The following LGR5 variants were observed in gnomAD, a reference collection of about 807,000 sequenced individuals.
LGR5 encodes leucine rich repeat containing G protein-coupled receptor 5.
LGR5 carries 54 observed loss-of-function variants against 76.7 expected under a neutral mutation model. The observed-to-expected ratio is 0.70, with a 90% CI of 0.57 to 0.88. The LOEUF is 0.88. Among genes scored for constraint, LGR5 ranks in the 40% least tolerant of loss-of-function variants. LGR5 has a pLI of 0.00. For missense variants in LGR5, 1,078 were observed against 1,073.3 expected, an observed-to-expected ratio of 1.00 and a Z score of -0.06; for synonymous variants, 406 against 421.9, an observed-to-expected ratio of 0.96 and a Z score of 0.46.
chr12:71,439,428 C>A (rs1871632174), upstream of LGR5, among the ~76,000 whole-genome samples: 1 of 152,134 alleles, frequency 6.6e-6, no homozygotes. Context: ...TCGGAGGAAA[C>A]GTGCCGCATC....
At chr12:71,540,595 G>T (rs757390432) in intron 4 of LGR5, among the ~76,000 whole-genome samples, 3 of 152,090 alleles carry the variant, frequency 2.0e-5, no homozygotes, top group Admixed American at 1.3e-4. Context: ...ATTCTGCATG[G>T]TAATCTTTTC....
At position 71,504,666 on chromosome 12, in the gene LGR5, C is replaced by G; in HGVS notation, c.265C>G (p.Leu89Val). Residue 89 changes from leucine to valine, a missense_variant, in exon 2 of 18, where the codon CTC (leucine) becomes GTC (valine). Transcript: ENST00000266674. ...GCTGCTCCCGAATCCCCTGCCCAGT[C>G]TCCGCTTCCTGGAGGAGTTGTAAGT... is the stretch of plus-strand genomic sequence containing the variant. ...SQLLPNPLPS[L>V]RFLEELRLAG... 6.2e-7 allele frequency: 1 copy of G among 1,613,826 alleles called. No homozygotes were observed. The highest frequency in any genetic ancestry group is 8.5e-7 in the Non-Finnish European group (1 of 1,179,744).
At chr12:71,530,388 G>T (rs1215763335) in intron 3 of LGR5, among the ~76,000 whole-genome samples, 2 of 152,168 alleles carry the variant, frequency 1.3e-5, no homozygotes, top group African/African-American at 4.8e-5. Context: ...GATATGGTGA[G>T]AAAGATAATG....
chr12:71,547,987 C>A (rs201619499), intron 4 of LGR5, among the ~76,000 whole-genome samples: 2 of 151,246 alleles, frequency 1.3e-5, no homozygotes, highest in East Asian at 4.0e-4. Flanking sequence ...AGACCCCCCC[C>A]AAAAGGACCA....
intron 2 of LGR5, among the ~76,000 whole-genome samples, chr12:71,505,470 G>A (rs1197489767): frequency 6.6e-6 from 1 of 151,988 alleles, no homozygotes; most frequent in Non-Finnish European, 1.5e-5. Context: ...ACCATCAGTT[G>A]AGTCAATCCT....
chr12:71,503,037 C>G (rs1874682102), intron 1 of LGR5, among the ~76,000 whole-genome samples: 1 of 152,102 alleles, frequency 6.6e-6, no homozygotes, highest in African/African-American at 2.4e-5. Context: ...AATCAAACCA[C>G]CTTGATCCTT....
intron 2 of LGR5, among the ~76,000 whole-genome samples, chr12:71,514,227 G>A (rs959049984): frequency 6.6e-6 from 1 of 152,124 alleles, no homozygotes; most frequent in Admixed American, 6.5e-5. Flanking sequence ...AGATGGTTAA[G>A]GAAGATTCCA....
chr12:71,526,951 G>T (rs1305057608), intron 3 of LGR5, among the ~76,000 whole-genome samples: 1 of 152,156 alleles, frequency 6.6e-6, no homozygotes, highest in African/African-American at 2.4e-5. Flanking sequence ...GTTAGTACTT[G>T]AGCATTCAGG....
intron 1 of LGR5, among the ~76,000 whole-genome samples, chr12:71,461,700 C>T (rs1324012061): frequency 1.3e-5 from 2 of 152,160 alleles, no homozygotes; most frequent in African/African-American, 4.8e-5. Flanking sequence ...GCCACCATTT[C>T]ATTACCACCC....
intron 4 of LGR5, among the ~76,000 whole-genome samples, chr12:71,549,827 A>G (rs1877385727): frequency 6.6e-6 from 1 of 152,216 alleles, no homozygotes; most frequent in African/African-American, 2.4e-5. Flanking sequence ...ATCTGGGAAT[A>G]TTAGTATTTA....
At chr12:71,524,904 T>C (rs1369040305) in intron 3 of LGR5, among the ~76,000 whole-genome samples, 3 of 152,154 alleles carry the variant, frequency 2.0e-5, no homozygotes, top group South Asian at 2.1e-4. Context: ...AAAAACCAAG[T>C]TTGTGTTCCA....
At position 71,456,926 on chromosome 12, in the gene LGR5, G is replaced by A. The variant is rs17109703; in HGVS notation, c.212+16634G>A. Among the ~76,000 whole-genome samples, 322 of 151,944 alleles carry A rather than the reference G, an allele frequency of 2.1e-3. 1 individual carries two copies. Among genetic ancestry groups the A allele is most frequent in the African/African-American group, 7.3e-3 (303 of 41,450 alleles). ...CTGTCTTGGGTAACGTAACTCCCTC[G>A]TCCCACTTTATTGAAACCCTAAAAT... On this transcript the variant is annotated intron_variant, in intron 1 of 17. Transcript: ENST00000266674.
Position 71,440,204 on chromosome 12 carries a change from C to A in LGR5, c.124C>A (p.Pro42Thr), listed in dbSNP as rs1278055220. ...CTGCCCCACACACTGTCATTGCGAG[C>A]CCGACGGCAGGATGTTGCTCAGGGT... ...RGCPTHCHCE[P>T]DGRMLLRVDC... The change falls in exon 1 of 18, where the codon CCC (proline) becomes ACC (threonine). Residue 42 changes from proline (P) to threonine (T), a missense_variant. Coordinates refer to ENST00000266674, the MANE Select transcript of LGR5 (RefSeq NM_003667.4). The surrounding 1 kb of genome is among the most constrained non-coding windows in gnomAD (Gnocchi z 5.3). The A allele has an allele frequency of 1.2e-6, 2 of 1,612,708 alleles. No homozygotes were observed. The highest frequency in any genetic ancestry group is 4.5e-5 in the East Asian group (2 of 44,872).
chr12:71,552,517 A>T (rs1044776487), intron 4 of LGR5, among the ~76,000 whole-genome samples: 3 of 151,504 alleles, frequency 2.0e-5, no homozygotes, highest in Non-Finnish European at 4.4e-5. Context: ...GTGAGCCGAG[A>T]TCGCGCCATT....
chr12:71,556,488 G>T, intron 5 of LGR5, 131 bp from the exon 6 acceptor site: 2 of 669,822 alleles, frequency 3.0e-6, no homozygotes, highest in South Asian at 1.9e-5. Context: ...GCAGCATATA[G>T]CCATTTTTTA....
chr12:71,578,730 G>GTTGTTGTTTTTTTT, intron 14 of LGR5, 74 bp from the exon 15 acceptor site: 6 of 1,413,914 alleles, frequency 4.2e-6, no homozygotes, highest in Non-Finnish European at 5.7e-6. Context: ...CGATCTTTAG[G>GTTGTTGTTTTTTTT]TTGTTGTTTT....
At chr12:71,476,530 G>T (rs1315809841) in intron 1 of LGR5, among the ~76,000 whole-genome samples, 1 of 152,154 alleles carries the variant, frequency 6.6e-6, no homozygotes, top group East Asian at 1.9e-4. Context: ...TGGTACCAGT[G>T]GAGCCCTGAA....
chr12:71,475,072 C>T (rs1386988096), intron 1 of LGR5, among the ~76,000 whole-genome samples: 2 of 152,166 alleles, frequency 1.3e-5, no homozygotes, highest in East Asian at 1.9e-4. Flanking sequence ...AGAAGATTCT[C>T]AGCCAATCTG....
At position 71,439,877 on chromosome 12, in the gene LGR5, C is replaced by G; in HGVS notation, c.-204C>G. On this transcript the variant is annotated 5_prime_UTR_variant, in exon 1 of 18. Coordinates refer to ENST00000266674, the MANE Select transcript of LGR5 (RefSeq NM_003667.4). ...CTGCAGCCAGGGCTGCTCCGAAGGC[C>G]GGCGTGGCGGCAACCGGCACCTCTG... 1.9e-6 allele frequency: 1 copy of G among 538,756 alleles called. No homozygotes were observed. Among genetic ancestry groups the G allele is most frequent in the South Asian group, 2.4e-5 (1 of 41,956 alleles). 33.4% of individuals were successfully genotyped at this position (538,756 alleles called of 1,614,324 possible). A position where few individuals can be genotyped will look rare whatever the true frequency, so the allele number is the denominator to read the frequency against.
Sources: gnomAD v4.1 joint callset for allele counts (sites outside exome capture counted in the v4.1 genomes callset) on GRCh38, gnomAD v4.1.1 for gene constraint, Gnocchi (gnomAD v3.1) non-coding constraint, MANE v1.5 for transcripts, NCBI Gene and HGNC (gene_info 2026-07-23, HGNC 2026-07-21) for gene names.